RBMS3: variants seen among roughly 807,000 people sequenced by gnomAD.
The protein encoded by RBMS3 is RNA binding motif single stranded interacting protein 3.
Under a neutral mutation model 66.8 loss-of-function variants are expected in RBMS3, and 27 were observed. The ratio of observed to expected loss-of-function variants is 0.40; its 90% CI spans 0.30 to 0.56. RBMS3 has a LOEUF of 0.56. RBMS3 is among the 20% of genes least tolerant of loss of function. RBMS3 has a pLI of 0.40. For missense variants in RBMS3, 513 were observed against 549.5 expected (o/e 0.93, Z 0.66); for synonymous variants, 188 against 183.0 (o/e 1.03, Z -0.22).
intron 3 of RBMS3, among the ~76,000 whole-genome samples, chr3:29,490,293 G>A (rs2043493893): frequency 6.6e-6 from 1 of 151,516 alleles, no homozygotes; most frequent in Non-Finnish European, 1.5e-5. Flanking sequence ...AAAAAAAAAT[G>A]TAGGCTTTAA....
At chr3:29,959,840 A>G (rs181747434) in intron 12 of RBMS3, among the ~76,000 whole-genome samples, 1 of 152,222 alleles carries the variant, frequency 6.6e-6, no homozygotes, top group African/African-American at 2.4e-5. Flanking sequence ...TATCACAAGA[A>G]CAGCATAGAG....
intron 4 of RBMS3, among the ~76,000 whole-genome samples, chr3:29,694,918 G>A (rs2052199176): frequency 6.6e-6 from 1 of 151,976 alleles, no homozygotes; most frequent in African/African-American, 2.4e-5. Context: ...TCAGGCACAG[G>A]AGCCTAAGCA....
intron 1 of RBMS3, among the ~76,000 whole-genome samples, chr3:29,331,552 A>G (rs2035653588): frequency 6.6e-6 from 1 of 152,086 alleles, no homozygotes; most frequent in Non-Finnish European, 1.5e-5. Context: ...TTTTACCCAC[A>G]AATCCTCATC....
At position 29,571,047 on chromosome 3, in the gene RBMS3, A is replaced by G. The variant is rs116034423; in HGVS notation, c.308-16067A>G. On this transcript the variant is annotated intron_variant, in intron 3 of 14. Coordinates refer to ENST00000383767, the MANE Select transcript of RBMS3 (RefSeq NM_001003793.3). ...AACTGGGCTGAGATGATATCTCATC[A>G]TAGTTTTGATTTGCATTTCTCTGAT... is the stretch of plus-strand genomic sequence containing the variant. Among the ~76,000 whole-genome samples, 1,021 of 152,150 alleles carry G rather than the reference A, an allele frequency of 6.7e-3. 13 individuals are homozygous for G. The highest frequency in any genetic ancestry group is 0.022 in the African/African-American group (926 of 41,520).
rs533839815 is a variant in RBMS3 at position 29,305,721 on chromosome 3, A to C, written c.75+23965A>C. Among the ~76,000 whole-genome samples the C allele has an allele frequency of 3.3e-5, 5 of 152,096 alleles. No homozygotes were observed. The East Asian group carries it at 9.7e-4, about 30-fold the overall frequency. ...GAGTTTACCTGAGCATGAAATCAAAATAGCTTGCCTATTGTTGATCCTTGA... is the reference window on the plus strand; with the variant it reads ...GAGTTTACCTGAGCATGAAATCAAACTAGCTTGCCTATTGTTGATCCTTGA... On this transcript the variant is annotated intron_variant, in intron 1 of 14. Transcript: ENST00000383767.
intron 14 of RBMS3, among the ~76,000 whole-genome samples, chr3:29,998,694 G>T (rs1000957216): frequency 2.6e-5 from 4 of 152,120 alleles, no homozygotes; most frequent in Non-Finnish European, 4.4e-5. Flanking sequence ...AAATGGTGCT[G>T]GGAAAACTGG....
intron 4 of RBMS3, among the ~76,000 whole-genome samples, chr3:29,701,313 T>G (rs77018229): frequency 0.084 from 12,640 of 150,752 alleles, 1,719 homozygotes; most frequent in African/African-American, 0.29. Flanking sequence ...TTTTAAGTAG[T>G]GAATGTTACC....
At chr3:29,561,712 A>G (rs537418113) in intron 3 of RBMS3, among the ~76,000 whole-genome samples, 1 of 152,198 alleles carries the variant, frequency 6.6e-6, no homozygotes, top group Non-Finnish European at 1.5e-5. Context: ...CGGCCTCCCA[A>G]AGTGCTAGGA....
chr3:29,947,180 A>G (rs1168197865), intron 12 of RBMS3, among the ~76,000 whole-genome samples: 1 of 151,504 alleles, frequency 6.6e-6, no homozygotes. Flanking sequence ...TGGATAATGA[A>G]CTATTTCTTG....
intron 3 of RBMS3, among the ~76,000 whole-genome samples, chr3:29,511,454 A>G (rs944357373): frequency 1.3e-5 from 2 of 152,202 alleles, no homozygotes; most frequent in African/African-American, 2.4e-5. Context: ...AATATTCAGT[A>G]TATAACATGT....
chr3:29,390,038 A>G (rs890650355), intron 1 of RBMS3, among the ~76,000 whole-genome samples: 3 of 152,196 alleles, frequency 2.0e-5, no homozygotes, highest in African/African-American at 7.2e-5. Flanking sequence ...GCATGTGCTG[A>G]TGGAGATAAA....
intron 1 of RBMS3, among the ~76,000 whole-genome samples, chr3:29,342,614 C>A (rs2036340233): frequency 6.6e-6 from 1 of 151,992 alleles, no homozygotes; most frequent in Non-Finnish European, 1.5e-5. Context: ...TAGCTATATG[C>A]CGAGGATATT....
At chr3:29,873,426 G>A (rs2059538408) in intron 7 of RBMS3, among the ~76,000 whole-genome samples, 1 of 152,114 alleles carries the variant, frequency 6.6e-6, no homozygotes, top group Non-Finnish European at 1.5e-5. Flanking sequence ...AGTGATTTTT[G>A]TACGTTGATT....
At chr3:29,877,442 T>C (rs2059635038) in intron 7 of RBMS3, among the ~76,000 whole-genome samples, 2 of 152,174 alleles carry the variant, frequency 1.3e-5, no homozygotes, top group Non-Finnish European at 1.5e-5. Context: ...ATCAAAGTAT[T>C]CCTTGGATTC....
At chr3:29,374,806 A>T (rs2038383215) in intron 1 of RBMS3, among the ~76,000 whole-genome samples, 1 of 152,250 alleles carries the variant, frequency 6.6e-6, no homozygotes, top group Admixed American at 6.5e-5. Flanking sequence ...AAAACTCATC[A>T]CGTCATAATA....
At chr3:29,540,038 T>A (rs1262487706) in intron 3 of RBMS3, among the ~76,000 whole-genome samples, 1 of 152,206 alleles carries the variant, frequency 6.6e-6, no homozygotes, top group African/African-American at 2.4e-5. Context: ...TGGGTTTCAT[T>A]CACGGTAAAA....
intron 1 of RBMS3, among the ~76,000 whole-genome samples, chr3:29,321,212 T>A (rs1010089126): frequency 6.6e-6 from 1 of 152,102 alleles, no homozygotes; most frequent in Non-Finnish European, 1.5e-5. Context: ...ACTTTTATGA[T>A]ATATTAGTCC....
chr3:29,943,787 T>C (rs963712692), intron 11 of RBMS3, among the ~76,000 whole-genome samples: 12 of 151,796 alleles, frequency 7.9e-5, no homozygotes, highest in African/African-American at 2.7e-4. Context: ...AAATTTTTTA[T>C]TTTTCTCTTT....
At chr3:29,987,930 A>AAT (rs1698539949) in intron 12 of RBMS3, 1 of 464,144 alleles carries the variant, frequency 2.2e-6, no homozygotes, top group Non-Finnish European at 3.9e-6. Context: ...TCATATTGAT[A>AAT]ATTAAGAGGT....
Sources: gnomAD v4.1 joint callset for allele counts (sites outside exome capture counted in the v4.1 genomes callset) on GRCh38, gnomAD v4.1.1 for gene constraint, MANE v1.5 for transcripts, NCBI Gene and HGNC (gene_info 2026-07-23, HGNC 2026-07-21) for gene names.